The following PTPRD variants were observed in gnomAD, a reference collection of about 807,000 sequenced individuals.
PTPRD encodes receptor-type tyrosine-protein phosphatase delta.
Under a neutral mutation model 214.5 loss-of-function variants are expected in PTPRD, and 34 were observed. The ratio of observed to expected loss-of-function variants is 0.16; its 90% CI spans 0.12 to 0.21. PTPRD has a LOEUF of 0.21. Among genes scored for constraint, PTPRD ranks in the 10% least tolerant of loss-of-function variants. The pLI is 1.00. For missense variants in PTPRD, 2,545 were observed against 2,398.7 expected (o/e 1.06, Z -1.27); for synonymous variants, 1,128 against 845.7 (o/e 1.33, Z -5.79).
intron 7 of PTPRD, among the ~76,000 whole-genome samples, chr9:9,646,047 T>C (rs1300437895): frequency 1.3e-5 from 2 of 152,232 alleles, no homozygotes; most frequent in Admixed American, 1.3e-4. Context: ...TAGAATACAA[T>C]TCATGTTTAT....
chr9:8,665,179 G>C (rs550632095), intron 12 of PTPRD, among the ~76,000 whole-genome samples: 92 of 152,226 alleles, frequency 6.0e-4, no homozygotes, highest in African/African-American at 2.2e-3. Flanking sequence ...GTAAGATTTT[G>C]TTTATTTGTT....
At chr9:9,143,865 G>A (rs1045591861) in intron 10 of PTPRD, among the ~76,000 whole-genome samples, 1 of 152,144 alleles carries the variant, frequency 6.6e-6, no homozygotes, top group African/African-American at 2.4e-5. Flanking sequence ...TTAGTGATCC[G>A]AATTAAGCAA....
At chr9:10,379,836 G>A (rs1459696533) in intron 2 of PTPRD, among the ~76,000 whole-genome samples, 2 of 152,018 alleles carry the variant, frequency 1.3e-5, no homozygotes, top group East Asian at 3.9e-4. Flanking sequence ...CCAAATATCT[G>A]AGTGTTGTTA....
chr9:9,614,070 TAATA>T (rs2094703946), intron 7 of PTPRD, among the ~76,000 whole-genome samples: 1 of 152,050 alleles, frequency 6.6e-6, no homozygotes, highest in Non-Finnish European at 1.5e-5. Context: ...GTCTGGCATA[TAATA>T]AATAATCAAT....
chr9:8,529,844 GGTTT>G (rs2075225893), intron 14 of PTPRD, among the ~76,000 whole-genome samples: 1 of 152,054 alleles, frequency 6.6e-6, no homozygotes, highest in African/African-American at 2.4e-5. Flanking sequence ...ACAACGTGCA[GGTTT>G]GTTACATATG....
intron 44 of PTPRD, among the ~76,000 whole-genome samples, chr9:8,330,066 C>T (rs1587736984): frequency 1.3e-5 from 2 of 152,162 alleles, no homozygotes; most frequent in South Asian, 4.1e-4. Flanking sequence ...AGTGCAGTAT[C>T]TGGGCCAGAG....
chr9:9,515,077 C>G (rs1294598393), intron 8 of PTPRD, among the ~76,000 whole-genome samples: 1 of 152,082 alleles, frequency 6.6e-6, no homozygotes, highest in Admixed American at 6.6e-5. Flanking sequence ...CCTGGTTTCT[C>G]TCAATCATTC....
chr9:8,562,714 G>A (rs2086892980), intron 14 of PTPRD, among the ~76,000 whole-genome samples: 1 of 152,154 alleles, frequency 6.6e-6, no homozygotes, highest in African/African-American at 2.4e-5. Flanking sequence ...CAGGATTACA[G>A]GCCTGAGCCA....
At chr9:10,388,567 T>C (rs959113614) in intron 2 of PTPRD, among the ~76,000 whole-genome samples, 1 of 151,758 alleles carries the variant, frequency 6.6e-6, no homozygotes, top group Non-Finnish European at 1.5e-5. Flanking sequence ...GTAATTTATA[T>C]TTATAGTTAG....
At chr9:9,683,291 C>T (rs2097108602) in intron 7 of PTPRD, among the ~76,000 whole-genome samples, 1 of 151,640 alleles carries the variant, frequency 6.6e-6, no homozygotes, top group Non-Finnish European at 1.5e-5. Flanking sequence ...TATTACCAGG[C>T]ACTCAGGGGT....
At chr9:10,480,560 G>A (rs909831032) in intron 2 of PTPRD, among the ~76,000 whole-genome samples, 5 of 151,910 alleles carry the variant, frequency 3.3e-5, no homozygotes, top group Non-Finnish European at 7.4e-5. Flanking sequence ...AAGGAAGAAA[G>A]AAAGCATGCA....
chr9:10,265,288 G>A (rs2093980225), intron 3 of PTPRD, among the ~76,000 whole-genome samples: 1 of 152,156 alleles, frequency 6.6e-6, no homozygotes. Flanking sequence ...GGGCTAGCCT[G>A]TACAAAACAT....
intron 10 of PTPRD, among the ~76,000 whole-genome samples, chr9:9,084,464 G>C (rs748821592): frequency 6.6e-6 from 1 of 152,118 alleles, no homozygotes; most frequent in Non-Finnish European, 1.5e-5. Context: ...ATGACAGGTT[G>C]ATGGGTTCAG....
At chr9:10,501,954 T>G (rs2043880815) in intron 2 of PTPRD, among the ~76,000 whole-genome samples, 1 of 151,948 alleles carries the variant, frequency 6.6e-6, no homozygotes, top group African/African-American at 2.4e-5. Context: ...TTATAGAGTT[T>G]TGACATCATT....
At chr9:9,658,619 G>A (rs917791702) in intron 7 of PTPRD, among the ~76,000 whole-genome samples, 1 of 152,062 alleles carries the variant, frequency 6.6e-6, no homozygotes, top group Non-Finnish European at 1.5e-5. Flanking sequence ...TCTTTTATTG[G>A]CAGAGAAGGT....
chr9:9,356,079 T>C (rs919592050), intron 9 of PTPRD, among the ~76,000 whole-genome samples: 2 of 151,304 alleles, frequency 1.3e-5, no homozygotes, highest in Admixed American at 6.6e-5. Flanking sequence ...ACTATAGCAG[T>C]TTTAAGAGAA....
intron 12 of PTPRD, among the ~76,000 whole-genome samples, chr9:8,659,521 T>C (rs750326991): frequency 6.6e-6 from 1 of 152,240 alleles, no homozygotes; most frequent in African/African-American, 2.4e-5. Flanking sequence ...TCCAGGAATA[T>C]ATCTTTGAAG....
chr9:8,871,764 A>G (rs979795844), intron 11 of PTPRD, among the ~76,000 whole-genome samples: 1 of 146,978 alleles, frequency 6.8e-6, no homozygotes, highest in Non-Finnish European at 1.5e-5. Flanking sequence ...AATTGATTTT[A>G]CCTTGGTACA....
At chr9:9,864,575 G>A (rs1337082283) in intron 5 of PTPRD, among the ~76,000 whole-genome samples, 2 of 152,148 alleles carry the variant, frequency 1.3e-5, no homozygotes, top group East Asian at 1.9e-4. Flanking sequence ...CTGGAGTGCA[G>A]TGGCATGAAC....
Sources: gnomAD v4.1 joint callset for allele counts (sites outside exome capture counted in the v4.1 genomes callset) on GRCh38, gnomAD v4.1.1 for gene constraint, MANE v1.5 for transcripts, NCBI Gene and HGNC (gene_info 2026-07-23, HGNC 2026-07-21) for gene names.